Variants in NCALD observed in about 807,000 individuals in gnomAD.
The protein encoded by NCALD is neurocalcin delta.
NCALD carries 10 observed loss-of-function variants against 18.6 expected under a neutral mutation model. That is an observed-to-expected ratio of 0.54 (90% CI 0.33 to 0.91). The LOEUF is 0.91. NCALD is among the 40% of genes least tolerant of loss of function. The pLI, the probability that NCALD is intolerant of heterozygous loss-of-function variation, is 0.03. For synonymous variants in NCALD, 88 were observed against 87.4 expected, an observed-to-expected ratio of 1.01 and a Z score of -0.04; for missense variants, 184 against 247.6, an observed-to-expected ratio of 0.74 and a Z score of 1.72.
At chr8:101,757,801 A>C (rs2130812301) in intron 1 of NCALD, among the ~76,000 whole-genome samples, 1 of 152,280 alleles carries the variant, frequency 6.6e-6, no homozygotes, top group South Asian at 2.1e-4. Context: ...TAGGCCTTCA[A>C]CAAATATAGT....
chr8:101,727,025 C>G (rs1471318053), intron 1 of NCALD, among the ~76,000 whole-genome samples: 1 of 152,128 alleles, frequency 6.6e-6, no homozygotes, highest in Admixed American at 6.5e-5. Flanking sequence ...AAACCATGCC[C>G]TCTTCAGTGT....
intron 4 of NCALD, among the ~76,000 whole-genome samples, chr8:101,836,267 A>C (rs1814409143): frequency 6.6e-6 from 1 of 152,186 alleles, no homozygotes; most frequent in Non-Finnish European, 1.5e-5. Flanking sequence ...GAAACTTGCC[A>C]TTTGTAAACA....
At chr8:102,069,862 C>G (rs927628811) in intron 1 of NCALD, 1 of 152,172 alleles carries the variant, frequency 6.6e-6, no homozygotes, top group Admixed American at 6.5e-5. Flanking sequence ...TGCCTGTAAT[C>G]CCAGCACTTT....
chr8:101,942,796 T>C (rs994427523), intron 2 of NCALD, among the ~76,000 whole-genome samples: 13 of 152,190 alleles, frequency 8.5e-5, no homozygotes, highest in African/African-American at 3.1e-4. Flanking sequence ...ACATAGCAAG[T>C]AGGTGGTTGA....
intron 2 of NCALD, among the ~76,000 whole-genome samples, chr8:101,919,324 C>G (rs1464763359): frequency 6.6e-6 from 1 of 152,058 alleles, no homozygotes; most frequent in Non-Finnish European, 1.5e-5. Flanking sequence ...GCTGGCTAGC[C>G]ACATGCAAAA....
intron 3 of NCALD, among the ~76,000 whole-genome samples, chr8:101,908,852 T>C (rs1219037409): frequency 6.6e-6 from 1 of 152,214 alleles, no homozygotes; most frequent in Admixed American, 6.5e-5. Context: ...GTCATTATTT[T>C]GGATTAGGCT....
intron 4 of NCALD, among the ~76,000 whole-genome samples, chr8:101,880,565 C>A (rs751434366): frequency 6.6e-6 from 1 of 152,230 alleles, no homozygotes; most frequent in Non-Finnish European, 1.5e-5. Flanking sequence ...CACGCTGTCA[C>A]CTCTCACTGG....
chr8:102,086,064 A>G (rs1404027838), intron 1 of NCALD, among the ~76,000 whole-genome samples: 1 of 152,198 alleles, frequency 6.6e-6, no homozygotes, highest in South Asian at 2.1e-4. Flanking sequence ...TACCATGTTT[A>G]AAACATGTTT....
chr8:101,927,812 G>A (rs1289376815), intron 2 of NCALD, among the ~76,000 whole-genome samples: 2 of 152,122 alleles, frequency 1.3e-5, no homozygotes, highest in Non-Finnish European at 2.9e-5. Context: ...GACTTCAGCT[G>A]CTCAGACCAC....
At chr8:101,942,433 A>G (rs1484219341) in intron 2 of NCALD, among the ~76,000 whole-genome samples, 1 of 152,222 alleles carries the variant, frequency 6.6e-6, no homozygotes, top group African/African-American at 2.4e-5. Context: ...AACAGAATCC[A>G]AACAATGATA....
At chr8:101,804,117 A>T (rs1288484972) in intron 4 of NCALD, among the ~76,000 whole-genome samples, 1 of 152,010 alleles carries the variant, frequency 6.6e-6, no homozygotes, top group Non-Finnish European at 1.5e-5. Flanking sequence ...GAAGGCTCAG[A>T]CGATCATTAG....
chr8:101,846,529 G>A lies in NCALD; in HGVS notation c.-20+40612C>T, dbSNP rs1000025054. Among the ~76,000 whole-genome samples the A allele has an allele frequency of 2.0e-5, 3 of 152,136 alleles. No individual in the cohort carries two copies. The South Asian group carries it at 6.2e-4, about 32-fold the overall frequency. On this transcript the variant is annotated intron_variant, in intron 4 of 6. Transcript: ENST00000311028. ...CTCCCCCTACACCCAGCAACATCAG[G>A]AACCTGGATCATTCTAGCTCTATTT...
intron 1 of NCALD, among the ~76,000 whole-genome samples, chr8:102,035,972 T>A (rs567545844): frequency 2.0e-5 from 3 of 152,110 alleles, no homozygotes; most frequent in East Asian, 3.9e-4. Flanking sequence ...ACACAGAGAC[T>A]GTGACAAAAT....
intron 4 of NCALD, among the ~76,000 whole-genome samples, chr8:101,797,981 C>T (rs1812704508): frequency 6.6e-6 from 1 of 152,114 alleles, no homozygotes; most frequent in South Asian, 2.1e-4. Context: ...ATGATAAAAA[C>T]TCACAGAAAA....
At chr8:102,102,803 G>A (rs1015237590) in intron 1 of NCALD, among the ~76,000 whole-genome samples, 1 of 152,046 alleles carries the variant, frequency 6.6e-6, no homozygotes, top group Non-Finnish European at 1.5e-5. Flanking sequence ...AGAGAGAGAG[G>A]GGTGGGTGAG....
At position 101,689,317 on chromosome 8, in the gene NCALD, G is replaced by A; in HGVS notation, c.574C>T (p.Gln192Ter). The A allele has an allele frequency of 1.2e-6, 2 of 1,613,856 alleles. No homozygotes were observed. The highest frequency in any genetic ancestry group is 1.7e-6 in the Non-Finnish European group (2 of 1,179,882). The change falls in exon 4 of 4, where the codon CAG becomes TAG. Residue 192 changes from glutamine to a stop codon, truncating the protein, a stop_gained. Transcript: ENST00000220931. LOFTEE classifies it high-confidence loss of function. This position sits in a 1 kb window ranked among gnomAD's most constrained non-coding sequence, Gnocchi z 4.4. ...ATTGGTGGGCGCAGGGCTCAGAACT[G>A]GCCGGCACTGCTCGGGTCGCACTGC... The part of the protein sequence containing the change: ...LLQCDPSSAG[Q>*]F
upstream of NCALD, among the ~76,000 whole-genome samples, chr8:101,795,101 A>C (rs1333598987): frequency 6.6e-6 from 1 of 152,234 alleles, no homozygotes; most frequent in African/African-American, 2.4e-5. Context: ...TTATAGTCTT[A>C]GCTGAAGCAA....
intron 4 of NCALD, among the ~76,000 whole-genome samples, chr8:101,839,195 C>G (rs1794998846): frequency 6.6e-6 from 1 of 152,066 alleles, no homozygotes; most frequent in Non-Finnish European, 1.5e-5. Context: ...AATTCCACAC[C>G]CGACCTGTGA....
In NCALD at chr8:102,102,308, C is replaced by A. The variant is rs1010268607; in HGVS notation, c.-210+21929G>T. On this transcript the variant is annotated intron_variant, in intron 1 of 6. Transcript: ENST00000311028. Reference sequence around the variant, plus strand: ...ACAGCTCACATTTCAAATACGGCAACGAGGAAAGCAAACGTGAAGCAATTA... The same window carrying A: ...ACAGCTCACATTTCAAATACGGCAAAGAGGAAAGCAAACGTGAAGCAATTA... Among the ~76,000 whole-genome samples the A allele has an allele frequency of 2.6e-5, 4 of 152,138 alleles. 1 individual carries two copies. The highest frequency in any genetic ancestry group is 5.9e-5 in the Non-Finnish European group (4 of 68,022).
Sources: gnomAD v4.1 joint callset for allele counts (sites outside exome capture counted in the v4.1 genomes callset) on GRCh38, gnomAD v4.1.1 for gene constraint, Gnocchi (gnomAD v3.1) non-coding constraint, MANE v1.5 for transcripts, NCBI Gene and HGNC (gene_info 2026-07-23, HGNC 2026-07-21) for gene names.